SYNE1: variants seen among roughly 807,000 people sequenced by gnomAD.
The protein encoded by SYNE1 is spectrin repeat containing nuclear envelope protein 1.
In SYNE1, 616 loss-of-function variants were observed where a neutral mutation model predicts 1,111.0. The ratio of observed to expected loss-of-function variants is 0.55; its 90% CI spans 0.52 to 0.59. SYNE1 has a LOEUF of 0.59. Among genes scored for constraint, SYNE1 ranks in the 20% least tolerant of loss-of-function variants. The pLI is 0.00. For synonymous variants in SYNE1, 3,855 were observed against 3,825.8 expected, an observed-to-expected ratio of 1.01 and a Z score of -0.28; for missense variants, 10,006 against 10,417.0, an observed-to-expected ratio of 0.96 and a Z score of 1.72.
At chr6:152,555,082 A>T (rs2099360339) in intron 3 of SYNE1, among the ~76,000 whole-genome samples, 1 of 152,228 alleles carries the variant, frequency 6.6e-6, no homozygotes, top group Non-Finnish European at 1.5e-5. Context: ...TTGAAAAAGC[A>T]ACATGATGAG....
chr6:152,558,927 A>G (rs1424366448), intron 3 of SYNE1, among the ~76,000 whole-genome samples: 10 of 152,062 alleles, frequency 6.6e-5, no homozygotes, highest in Admixed American at 6.6e-4. Context: ...TCCAGGATAG[A>G]TAATATATTA....
rs1015540096 is a variant in SYNE1, at chr6:152,485,102, G to T, written c.1048-130C>A. On this transcript the variant is annotated intron_variant, in intron 12 of 145. Transcript: ENST00000367255. ...AATATATGTTGTTGATAATAATAAC[G>T]GTAGTTATGATACTAATAGCAGCTG... 113 of 1,061,786 alleles carry T rather than the reference G, an allele frequency of 1.1e-4. 1 individual carries two copies. The highest frequency in any genetic ancestry group is 1.4e-4 in the Non-Finnish European group (99 of 729,968). 65.8% of individuals were successfully genotyped at this position (1,061,786 alleles called of 1,614,324 possible).
intron 82 of SYNE1, 42 bp downstream of exon 82, chr6:152,323,432 CCAAA>C (rs367570905): frequency 2.8e-5 from 45 of 1,601,574 alleles, no homozygotes; most frequent in South Asian, 3.3e-5. Context: ...GAGCGAGACT[CCAAA>C]CAAACAAACA....
intron 56 of SYNE1, 77 bp downstream of exon 56, chr6:152,380,927 ATT>A: frequency 7.8e-7 from 1 of 1,278,982 alleles, no homozygotes; most frequent in Non-Finnish European, 1.1e-6. Flanking sequence ...AGTTAGCAAG[ATT>A]TTTTTTTTAA....
intron 76 of SYNE1, chr6:152,336,350 T>C (rs749662595): frequency 3.1e-5 from 6 of 195,866 alleles, no homozygotes; most frequent in East Asian, 2.5e-4. Context: ...CCAAATGATG[T>C]TTGTTCAGAT....
At chr6:152,125,213 G>A in intron 145 of SYNE1, 1 of 1,531,278 alleles carries the variant, frequency 6.5e-7, no homozygotes, top group Non-Finnish European at 8.8e-7. Context: ...ATGTTTTGCT[G>A]GTTGGTGATA....
At chr6:152,555,172 A>G (rs1447989514) in intron 3 of SYNE1, among the ~76,000 whole-genome samples, 1 of 152,230 alleles carries the variant, frequency 6.6e-6, no homozygotes, top group Non-Finnish European at 1.5e-5. Context: ...CAATTATTAT[A>G]TCTTTGTCAT....
At chr6:152,350,065 C>T in intron 72 of SYNE1, 103 bp downstream of exon 72, 9 of 1,407,364 alleles carry the variant, frequency 6.4e-6, no homozygotes, top group Non-Finnish European at 8.0e-6. Context: ...ACCAGAGATG[C>T]ACCTGTGTGT....
intron 127 of SYNE1, among the ~76,000 whole-genome samples, chr6:152,201,305 G>A (rs1455836004): frequency 1.3e-5 from 2 of 152,058 alleles, no homozygotes; most frequent in Non-Finnish European, 2.9e-5. Flanking sequence ...CATTTGAAGT[G>A]TTGATCATAA....
At position 152,387,371 on chromosome 6, in the gene SYNE1, A is replaced by T. The variant is rs886043069; in HGVS notation, c.8188T>A (p.Ser2730Thr). 1 of 1,614,024 alleles carries T rather than the reference A, an allele frequency of 6.2e-7. No homozygotes were observed. Among genetic ancestry groups the T allele is most frequent in the Non-Finnish European group, 8.5e-7 (1 of 1,179,954 alleles). Residue 2730 changes from serine to threonine, a missense_variant, in exon 54 of 146, where the codon TCT becomes ACT. Physicochemically the swap from Ser to Thr is moderately conservative, Grantham distance 58 (BLOSUM62 1). Coordinates refer to ENST00000367255, the MANE Select transcript of SYNE1 (RefSeq NM_182961.4). ...SSVHAQSTLE[S>T]VISQWNDYVE... ...TAGTCATTCCATTGGCTAATCACAG[A>T]CTCTAAAGTGCTAGAATTAATGTCA... is the stretch of plus-strand genomic sequence containing the variant.
rs1209628087 is a variant in SYNE1, at chr6:152,517,255, T to TA, written c.309+3203dup. 2.0e-5 allele frequency among the ~76,000 whole-genome samples: 3 copies of TA among 152,346 alleles called. No individual in the cohort carries two copies. The East Asian group carries it at 5.8e-4, about 29-fold the overall frequency. On this transcript the variant is annotated intron_variant, in intron 6 of 145. Coordinates refer to ENST00000367255, the MANE Select transcript of SYNE1 (RefSeq NM_182961.4). The stretch of plus-strand genomic sequence containing the variant: ...TTTGTAATCTAATTAATTCAGTGCA[T>TA]ATAAACTGAGAAGGAAATAACTGAA...
At chr6:152,281,514 A>G (rs1461332531) in intron 97 of SYNE1, among the ~76,000 whole-genome samples, 1 of 152,234 alleles carries the variant, frequency 6.6e-6, no homozygotes, top group African/African-American at 2.4e-5. Flanking sequence ...TTGGCTTTGT[A>G]TTCCTTAATA....
chr6:152,225,292 C>A (rs1473209035), intron 116 of SYNE1, among the ~76,000 whole-genome samples: 1 of 137,644 alleles, frequency 7.3e-6, no homozygotes, highest in Non-Finnish European at 1.5e-5. Context: ...CACACACACA[C>A]ACACACACAC....
At chr6:152,322,927 G>C (rs867424892) in intron 82 of SYNE1, among the ~76,000 whole-genome samples, 11 of 152,130 alleles carry the variant, frequency 7.2e-5, no homozygotes, top group African/African-American at 2.7e-4. Flanking sequence ...TAGTTGCCTA[G>C]CTCTCTGCGG....
chr6:152,207,240 G>A (rs2076685632), intron 125 of SYNE1, among the ~76,000 whole-genome samples: 1 of 152,094 alleles, frequency 6.6e-6, no homozygotes, highest in African/African-American at 2.4e-5. Context: ...AGAAAAGTTG[G>A]TCCAGAGACC....
At position 152,254,574 on chromosome 6, in the gene SYNE1, G is replaced by A. The variant is rs553708383; in HGVS notation, c.19470+306C>T. Among the ~76,000 whole-genome samples the A allele has an allele frequency of 1.1e-4, 17 of 152,122 alleles. 1 individual carries two copies. The highest frequency in any genetic ancestry group is 3.4e-3 in the Middle Eastern group (1 of 294). ...CATTTTCTGCATATTCTTTCGCAAT[G>A]TGTTTAAACTCCGGTATTAGTAACT... On this transcript the variant is annotated intron_variant, in intron 104 of 145. Coordinates refer to ENST00000367255, the MANE Select transcript of SYNE1 (RefSeq NM_182961.4).
intron 3 of SYNE1, among the ~76,000 whole-genome samples, chr6:152,541,034 G>A (rs1449827585): frequency 6.6e-6 from 1 of 152,180 alleles, no homozygotes; most frequent in Non-Finnish European, 1.5e-5. Context: ...ACCATTTGGA[G>A]ATAATAAATG....
intron 131 of SYNE1, among the ~76,000 whole-genome samples, chr6:152,159,206 G>A (rs1457709776): frequency 2.0e-5 from 3 of 152,202 alleles, no homozygotes; most frequent in Admixed American, 6.5e-5. Context: ...AAAATAAAAT[G>A]TATCAAGCCC....
intron 137 of SYNE1, chr6:152,145,082 G>A (rs911814273): frequency 2.0e-4 from 61 of 300,758 alleles, no homozygotes; most frequent in African/African-American, 1.2e-3. Context: ...CATGCAGGCT[G>A]GCGGACTTGG....
Sources: allele counts gnomAD v4.1 joint callset (sites outside exome capture counted in the v4.1 genomes callset), GRCh38; gene constraint gnomAD v4.1.1; transcripts MANE v1.5; gene names NCBI Gene and HGNC (gene_info 2026-07-23, HGNC 2026-07-21).